TRIM27: variants seen among roughly 807,000 people sequenced by gnomAD.
The protein encoded by TRIM27 is tripartite motif containing 27.
TRIM27 carries 12 observed loss-of-function variants against 57.6 expected under a neutral mutation model. The observed-to-expected ratio is 0.21, with a 90% confidence interval of 0.13 to 0.34. The LOEUF (loss-of-function observed/expected upper bound fraction) is 0.34. TRIM27 is among the 10% of genes least tolerant of loss of function. TRIM27 has a pLI of 1.00. For synonymous variants in TRIM27, 266 were observed against 259.0 expected (o/e 1.03, Z -0.26); for missense variants, 403 against 656.8 (o/e 0.61, Z 4.22).
Position 28,923,255 on chromosome 6 carries a change from G to T in TRIM27, c.378C>A (p.Gly126=). Residue 126 remains glycine (G), a synonymous_variant, in exon 1 of 8, where the codon GGC becomes GGA. Transcript: ENST00000377199. ...VVCDRSREHR[G]HSVLPLEEAV... is the part of the protein sequence containing the mutation. ...CCTCCTCGAGCGGCAGCACGCTGTG[G>T]CCGCGGTGCTCGCGGGAGCGGTCGC... is the stretch of plus-strand genomic sequence containing the variant. 1 of 1,606,204 alleles carries T rather than the reference G, an allele frequency of 6.2e-7. No homozygotes were observed. The highest frequency in any genetic ancestry group is 8.5e-7 in the Non-Finnish European group (1 of 1,176,604).
At chr6:28,909,177 G>A (rs1263037311) in intron 4 of TRIM27, 89 bp from the exon 5 acceptor site, 11 of 881,432 alleles carry the variant, frequency 1.2e-5, no homozygotes, top group African/African-American at 3.5e-5. Flanking sequence ...GCGCCATCTC[G>A]GCCCACCGCA....
rs1204109959 is a variant in TRIM27 at position 28,903,741 on chromosome 6, G to C, written c.*329C>G. ...ACCAGAGGAAGCCAGGCTGAGCCAA[G>C]AAGCTGGAAGTATCTTGAACGGCTC... On this transcript the variant is annotated 3_prime_UTR_variant, in exon 8 of 8. Coordinates refer to ENST00000377199, the MANE Select transcript of TRIM27 (RefSeq NM_006510.5). The C allele has an allele frequency of 5.9e-6, 2 of 338,088 alleles. No homozygotes were observed. The highest frequency in any genetic ancestry group is 4.1e-5 in the African/African-American group (2 of 48,682). 20.9% of individuals were successfully genotyped at this position (338,088 alleles called of 1,614,324 possible). A position where few individuals can be genotyped will look rare whatever the true frequency, so the allele number is the denominator to read the frequency against.
intron 3 of TRIM27, among the ~76,000 whole-genome samples, chr6:28,918,331 G>A (rs762186716): frequency 1.3e-5 from 2 of 151,898 alleles, no homozygotes; most frequent in Non-Finnish European, 2.9e-5. Context: ...ATCTACTTGT[G>A]TAGTCTCCAT....
Position 28,921,987 on chromosome 6 carries a change from C to T in TRIM27, c.421G>A (p.Glu141Lys), listed in dbSNP as rs766879665. Residue 141 changes from glutamate to lysine, a missense_variant and splice_region_variant, in exon 2 of 8, where the codon GAG (glutamate) becomes AAG (lysine). Glu to Lys is a moderately conservative substitution (Grantham distance 56). Coordinates refer to ENST00000377199, the MANE Select transcript of TRIM27 (RefSeq NM_006510.5). ...PLEEAVEGFK[E>K]QIQNQLDHLK... ...TGGTCGAGCTGGTTCTGGATTTGCT[C>T]CTGAGAAAAGCAAAACAGATGGGCA... The T allele has an allele frequency of 4.3e-6, 7 of 1,612,660 alleles. No homozygotes were observed. Among genetic ancestry groups the T allele is most frequent in the Admixed American group, 1.7e-5 (1 of 59,978 alleles).
intron 3 of TRIM27, among the ~76,000 whole-genome samples, chr6:28,919,766 G>C (rs1773885144): frequency 6.6e-6 from 1 of 152,216 alleles, no homozygotes; most frequent in Non-Finnish European, 1.5e-5. Flanking sequence ...GTGCTGTGTA[G>C]GCACAAGCAC....
intron 1 of TRIM27, among the ~76,000 whole-genome samples, chr6:28,922,587 CT>C (rs1198775151): frequency 2.0e-5 from 3 of 152,156 alleles, no homozygotes; most frequent in Non-Finnish European, 4.4e-5. Context: ...TGAAGGTCAC[CT>C]TACAACTGTT....
At chr6:28,909,531 C>T (rs868730301) in intron 4 of TRIM27, among the ~76,000 whole-genome samples, 4 of 152,192 alleles carry the variant, frequency 2.6e-5, no homozygotes, top group African/African-American at 9.7e-5. Flanking sequence ...CCTTCTCTTC[C>T]TGAGCTATGA....
Position 28,911,689 on chromosome 6 carries a change from AC to A in TRIM27, c.770+6del. The A allele has an allele frequency of 1.2e-6, 2 of 1,612,114 alleles. No homozygotes were observed. The highest frequency in any genetic ancestry group is 1.7e-6 in the Non-Finnish European group (2 of 1,179,436). ...TGATTTAACACTAGGGAAACAGAAAACTATACCTGCTCAATGTGTCCCCAAT... is the reference window on the plus strand; with the variant it reads ...TGATTTAACACTAGGGAAACAGAAAATATACCTGCTCAATGTGTCCCCAAT... On this transcript the variant is annotated splice_donor_region_variant and intron_variant, in intron 4 of 7. Transcript: ENST00000377199.
At position 28,909,087 on chromosome 6, in the gene TRIM27, C is replaced by T. The variant is rs1453841447; in HGVS notation, c.772G>A (p.Ala258Thr). The change falls in exon 5 of 8, where the codon GCT (alanine) becomes ACT (threonine). Residue 258 changes from alanine (A) to threonine (T), a missense_variant and splice_region_variant. Physicochemically the swap from Ala to Thr is moderately conservative, Grantham distance 58. Coordinates refer to ENST00000377199, the MANE Select transcript of TRIM27 (RefSeq NM_006510.5). ...LQDIGDTLSR[A>T]ERIRIPEPWI... ...GGTTCAGGAATCCTGATTCTTTCAG[C>T]CCTAAATTTAAAAAACATGAGTAAA... The T allele has an allele frequency of 1.9e-6, 3 of 1,592,052 alleles. No homozygotes were observed.
intron 6 of TRIM27, chr6:28,907,494 G>A (rs1430080278): frequency 1.4e-6 from 1 of 700,456 alleles, no homozygotes; most frequent in African/African-American, 1.8e-5. Context: ...CCACATGCCT[G>A]AGACTGGTAG....
At chr6:28,921,869 C>T (rs1774064628) in intron 2 of TRIM27, 23 bp downstream of exon 2, 2 of 1,590,312 alleles carry the variant, frequency 1.3e-6, no homozygotes, top group Non-Finnish European at 8.6e-7. Context: ...GCAGAACCAA[C>T]TGTGAATTCC....
At position 28,923,963 on chromosome 6, in the gene TRIM27, C is replaced by T. The variant is rs925440070; in HGVS notation, c.-331G>A. On this transcript the variant is annotated 5_prime_UTR_variant, in exon 1 of 8. Transcript: ENST00000377199. ...GCGCGCAAGACAACGTGGCCGCGTCCGAGCGGATGCCGGCGGCAGCGTAAA... is the reference window on the plus strand; with the variant it reads ...GCGCGCAAGACAACGTGGCCGCGTCTGAGCGGATGCCGGCGGCAGCGTAAA... 5.7e-6 allele frequency: 2 copies of T among 350,216 alleles called. No individual in the cohort carries two copies. The highest frequency in any genetic ancestry group is 4.7e-5 in the Admixed American group (1 of 21,416). 21.7% of individuals were successfully genotyped at this position (350,216 alleles called of 1,614,324 possible). A position where few individuals can be genotyped will look rare whatever the true frequency, so the allele number is the denominator to read the frequency against.
intron 4 of TRIM27, among the ~76,000 whole-genome samples, chr6:28,910,477 G>A (rs1773120814): frequency 6.6e-6 from 1 of 152,116 alleles, no homozygotes; most frequent in Admixed American, 6.5e-5. Context: ...TTACAGGCAT[G>A]CACCACCACG....
At position 28,903,727 on chromosome 6, in the gene TRIM27, C is replaced by A. The variant is rs1292239197; in HGVS notation, c.*343G>T. 1 of 323,552 alleles carries A rather than the reference C, an allele frequency of 3.1e-6. No homozygotes were observed. Among genetic ancestry groups the A allele is most frequent in the Non-Finnish European group, 5.7e-6 (1 of 175,782 alleles). The allele number at this position is 323,552 out of a possible 1,614,324, so 20.0% of individuals were successfully genotyped here. The stretch of plus-strand genomic sequence containing the variant: ...TTATGTGGGGCTGAACCAGAGGAAG[C>A]CAGGCTGAGCCAAGAAGCTGGAAGT... On this transcript the variant is annotated 3_prime_UTR_variant, in exon 8 of 8. Coordinates refer to ENST00000377199, the MANE Select transcript of TRIM27 (RefSeq NM_006510.5).
chr6:28,923,492 T>A lies in TRIM27; in HGVS notation c.141A>T (p.Ala47=). Residue 47 remains alanine, a synonymous_variant, in exon 1 of 8, where the codon GCA becomes GCT. Coordinates refer to ENST00000377199, the MANE Select transcript of TRIM27 (RefSeq NM_006510.5). ...ACTGCGGGCACGACACGTTAGTCTCTGCCGTGCCCCAGCAGCGGGCGAGGC... is the reference window on the plus strand; with the variant it reads ...ACTGCGGGCACGACACGTTAGTCTCAGCCGTGCCCCAGCAGCGGGCGAGGC... ...CACLARCWGT[A]ETNVSCPQCR... 4 of 1,612,198 alleles carry A rather than the reference T, an allele frequency of 2.5e-6. No individual in the cohort carries two copies. Among genetic ancestry groups the A allele is most frequent in the Non-Finnish European group, 3.4e-6 (4 of 1,179,668 alleles).
intron 7 of TRIM27, chr6:28,905,332 G>T (rs1018250388): frequency 2.0e-5 from 3 of 152,208 alleles, no homozygotes; most frequent in African/African-American, 4.8e-5. Flanking sequence ...CTATAATGAA[G>T]TATTAATAGA....
Position 28,923,629 on chromosome 6 carries a change from C to G in TRIM27, c.4G>C (p.Ala2Pro), listed in dbSNP as rs1185086795. The G allele has an allele frequency of 6.3e-6, 10 of 1,575,712 alleles. No homozygotes were observed. The highest frequency in any genetic ancestry group is 8.6e-6 in the Non-Finnish European group (10 of 1,157,554). M[A>P]SGSVAECLQQ... ...AGGCACTCGGCCACACTCCCGGAGGCCATGGCGCCGGCCTGCGGGGGCGCA... is the reference window on the plus strand; with the variant it reads ...AGGCACTCGGCCACACTCCCGGAGGGCATGGCGCCGGCCTGCGGGGGCGCA... The change falls in exon 1 of 8, where the codon GCC becomes CCC. Residue 2 changes from alanine to proline, a missense_variant. Physicochemically the swap from Ala to Pro is conservative, Grantham distance 27 (BLOSUM62 -1). Coordinates refer to ENST00000377199, the MANE Select transcript of TRIM27 (RefSeq NM_006510.5).
At chr6:28,905,555 T>C (rs1294189490) in intron 7 of TRIM27, 1 of 152,174 alleles carries the variant, frequency 6.6e-6, no homozygotes, top group African/African-American at 2.4e-5. Flanking sequence ...AAAATTATTT[T>C]TTACTTTTTT....
In TRIM27 at chr6:28,923,709, C is replaced by T; in HGVS notation, c.-77G>A. 1 of 1,410,162 alleles carries T rather than the reference C, an allele frequency of 7.1e-7. No individual in the cohort carries two copies. The highest frequency in any genetic ancestry group is 1.5e-5 in the South Asian group (1 of 67,904). 87.4% of individuals were successfully genotyped at this position (1,410,162 alleles called of 1,614,324 possible). A position where few individuals can be genotyped will look rare whatever the true frequency, so the allele number is the denominator to read the frequency against. ...ACTGAGCCCAACTCTCCGGCGCTCT[C>T]TCCGGTTCGCTGTTCCTGAGAGGCA... On this transcript the variant is annotated 5_prime_UTR_variant, in exon 1 of 8. Transcript: ENST00000377199.
Sources: allele counts gnomAD v4.1 joint callset (sites outside exome capture counted in the v4.1 genomes callset), GRCh38; gene constraint gnomAD v4.1.1; transcripts MANE v1.5; gene names NCBI Gene and HGNC (gene_info 2026-07-23, HGNC 2026-07-21).